TINAG: variants seen among roughly 807,000 people sequenced by gnomAD.
TINAG encodes the protein tubulointerstitial nephritis antigen.
A neutral mutation model predicts 72.7 loss-of-function variants in TINAG; 83 were observed. The observed-to-expected ratio is 1.14, with a 90% CI of 0.96 to 1.37. The LOEUF (loss-of-function observed/expected upper bound fraction) is 1.37. TINAG is among the 40% of genes most tolerant of loss of function. TINAG has a pLI of 0.00. For missense variants in TINAG, 685 were observed against 576.6 expected (o/e 1.19, Z -1.93); for synonymous variants, 234 against 189.9 (o/e 1.23, Z -1.91).
chr6:54,314,785 A>G (rs1228732403), intron 1 of TINAG, among the ~76,000 whole-genome samples: 3 of 152,150 alleles, frequency 2.0e-5, no homozygotes, highest in African/African-American at 7.2e-5. Context: ...AGTAGTTGCT[A>G]CTTCTTCAAT....
At position 54,390,008 on chromosome 6, in the gene TINAG, T is replaced by A; in HGVS notation, c.*83T>A. 6.5e-7 allele frequency: 1 copy of A among 1,532,738 alleles called. No homozygotes were observed. The allele number at this position is 1,532,738 out of a possible 1,614,324, so 94.9% of individuals were successfully genotyped here. On this transcript the variant is annotated 3_prime_UTR_variant, in exon 11 of 11. Transcript: ENST00000259782. ...AGCAATATGACATTCTTGGTGACAG[T>A]GGAATCTTTGTCTCTTCACCGTGTT...
upstream of TINAG, chr6:54,308,056 A>C (rs777408619): frequency 6.5e-7 from 1 of 1,549,948 alleles, no homozygotes; most frequent in Non-Finnish European, 8.7e-7. Context: ...AGATCCTAGC[A>C]GGCAACCTCA....
intron 10 of TINAG, 71 bp downstream of exon 10, chr6:54,380,642 C>A: frequency 7.8e-7 from 1 of 1,280,250 alleles, no homozygotes; most frequent in South Asian, 1.2e-5. Context: ...CCTCTGCTAC[C>A]TGCTTTGTAT....
chr6:54,389,562 C>T (rs1345308457), intron 10 of TINAG, among the ~76,000 whole-genome samples: 1 of 152,178 alleles, frequency 6.6e-6, no homozygotes, highest in African/African-American at 2.4e-5. Flanking sequence ...TACCTTAGTA[C>T]TCTGGGAAAC....
rs768706937 is a variant in TINAG, at chr6:54,347,416, C to T, written c.798C>T (p.Ala266=). 1.9e-5 allele frequency: 31 copies of T among 1,613,142 alleles called. No homozygotes were observed. The highest frequency in any genetic ancestry group is 2.6e-5 in the Non-Finnish European group (31 of 1,179,564). Residue 266 remains alanine (A), a synonymous_variant, in exon 6 of 11, where the codon GCC becomes GCT. Coordinates refer to ENST00000259782, the MANE Select transcript of TINAG (RefSeq NM_014464.4). ...IAIQSKGRYT[A]NLSPQNLISC... Reference sequence around the variant, plus strand: ...TTCAGTCTAAGGGTCGATACACGGCCAATCTATCCCCTCAGAATTTGATCT... The same window carrying T: ...TTCAGTCTAAGGGTCGATACACGGCTAATCTATCCCCTCAGAATTTGATCT...
At chr6:54,360,081 T>C (rs1763177290) in intron 9 of TINAG, among the ~76,000 whole-genome samples, 1 of 151,796 alleles carries the variant, frequency 6.6e-6, no homozygotes. Flanking sequence ...ATAGTCCTCC[T>C]CTTAAGGAGT....
At chr6:54,322,916 A>C (rs1784525185) in intron 3 of TINAG, among the ~76,000 whole-genome samples, 2 of 152,238 alleles carry the variant, frequency 1.3e-5, no homozygotes, top group African/African-American at 2.4e-5. Flanking sequence ...TTCAAATGCT[A>C]GACCTAATTA....
At chr6:54,343,101 C>T in intron 4 of TINAG, 125 bp from the exon 5 acceptor site, 1 of 822,898 alleles carries the variant, frequency 1.2e-6, no homozygotes, top group Middle Eastern at 4.2e-4. Context: ...AGCTGTAGTT[C>T]ATCTGGAAAC....
intron 10 of TINAG, among the ~76,000 whole-genome samples, chr6:54,380,825 G>A (rs1221527277): frequency 6.6e-6 from 1 of 151,530 alleles, no homozygotes; most frequent in East Asian, 1.9e-4. Flanking sequence ...AATCAAGAGG[G>A]TAACTTTGTT....
intron 4 of TINAG, 40 bp downstream of exon 4, chr6:54,326,956 TA>T: frequency 1.9e-6 from 3 of 1,611,898 alleles, no homozygotes; most frequent in Non-Finnish European, 2.5e-6. Flanking sequence ...CATGTATTTG[TA>T]AAAGTGTGTT....
At chr6:54,328,156 C>A (rs1163182993) in intron 4 of TINAG, among the ~76,000 whole-genome samples, 1 of 152,102 alleles carries the variant, frequency 6.6e-6, no homozygotes, top group Admixed American at 6.5e-5. Context: ...TTCCTGACCC[C>A]CCATGCCTCT....
intron 1 of TINAG, among the ~76,000 whole-genome samples, chr6:54,310,258 T>A (rs1343116576): frequency 1.3e-5 from 2 of 152,006 alleles, no homozygotes; most frequent in Non-Finnish European, 2.9e-5. Flanking sequence ...AATTTTATTT[T>A]ATTTTTTGTA....
At chr6:54,327,348 A>T in intron 4 of TINAG, 1 of 546,968 alleles carries the variant, frequency 1.8e-6, no homozygotes, top group South Asian at 2.1e-5. Flanking sequence ...AAGAGCAAGG[A>T]GGCTGGGAAC....
chr6:54,352,814 C>A (rs1332381610), intron 8 of TINAG, among the ~76,000 whole-genome samples: 9 of 150,496 alleles, frequency 6.0e-5, no homozygotes, highest in Admixed American at 6.0e-4. Context: ...AATTTAAATA[C>A]CTTAGATTTA....
chr6:54,382,458 A>G (rs774873874), intron 10 of TINAG, among the ~76,000 whole-genome samples: 1 of 152,152 alleles, frequency 6.6e-6, no homozygotes, highest in Non-Finnish European at 1.5e-5. Context: ...TAATCAAGTA[A>G]TTAAAATAAT....
In TINAG at chr6:54,372,284, G is replaced by A. The variant is rs182668185; in HGVS notation, c.1251-8242G>A. 2.3e-3 allele frequency among the ~76,000 whole-genome samples: 347 copies of A among 152,010 alleles called. 2 individuals are homozygous for A. Among genetic ancestry groups the A allele is most frequent in the African/African-American group, 7.6e-3 (315 of 41,506 alleles). ...TGGGATTACAGGTGTGAGCCACTGC[G>A]CCCAGCCTCAACTAGTTTTAATGTC... On this transcript the variant is annotated intron_variant, in intron 9 of 10. Transcript: ENST00000259782.
chr6:54,311,442 T>C (rs2150927538), intron 1 of TINAG, among the ~76,000 whole-genome samples: 1 of 152,326 alleles, frequency 6.6e-6, no homozygotes, highest in East Asian at 1.9e-4. Context: ...AGGTATGCAT[T>C]TAATCTAAGT....
intron 1 of TINAG, among the ~76,000 whole-genome samples, chr6:54,311,143 T>C (rs1784247030): frequency 6.6e-6 from 1 of 152,154 alleles, no homozygotes; most frequent in Non-Finnish European, 1.5e-5. Flanking sequence ...ATATAGACCA[T>C]ATTATGCTAC....
intron 9 of TINAG, among the ~76,000 whole-genome samples, chr6:54,377,390 T>C (rs965941178): frequency 7.9e-5 from 12 of 151,992 alleles, no homozygotes; most frequent in Admixed American, 2.0e-4. Flanking sequence ...CACATGCTTG[T>C]AATCCCAGCT....
Sources: allele counts gnomAD v4.1 joint callset (sites outside exome capture counted in the v4.1 genomes callset), GRCh38; gene constraint gnomAD v4.1.1; transcripts MANE v1.5; gene names NCBI Gene and HGNC (gene_info 2026-07-23, HGNC 2026-07-21).